The following TENM2 variants were observed in gnomAD, a reference collection of about 807,000 sequenced individuals.
TENM2 encodes the protein teneurin transmembrane protein 2.
A neutral mutation model predicts 245.2 loss-of-function variants in TENM2; 52 were observed. The ratio of observed to expected loss-of-function variants is 0.21; its 90% CI spans 0.17 to 0.27. TENM2 has a LOEUF of 0.27. Ranked by LOEUF, TENM2 falls within the 10% of genes least tolerant of loss-of-function variation. TENM2 has a pLI of 1.00. For synonymous variants in TENM2, 1,363 were observed against 1,438.9 expected, an observed-to-expected ratio of 0.95 and a Z score of 1.19; for missense variants, 3,046 against 3,666.8, an observed-to-expected ratio of 0.83 and a Z score of 4.37.
chr5:167,960,801 G>A (rs2617973), intron 4 of TENM2, among the ~76,000 whole-genome samples: 4,681 of 152,286 alleles, frequency 0.031, 233 homozygotes, highest in African/African-American at 0.11. Flanking sequence ...ACCCAGTTTT[G>A]TGCTTGAAAC....
chr5:167,520,796 T>C (rs1247702593), intron 2 of TENM2, among the ~76,000 whole-genome samples: 2 of 151,796 alleles, frequency 1.3e-5, no homozygotes, highest in East Asian at 1.9e-4. Context: ...CCACATGGCC[T>C]CTACTGCTTG....
chr5:167,206,077 T>C, the TENM2 span, among the ~76,000 whole-genome samples: 1 of 152,190 alleles, frequency 6.6e-6, no homozygotes, highest in East Asian at 1.9e-4. Flanking sequence ...CCTTTTGCTG[T>C]GGAACATATT....
chr5:167,593,947 G>A (rs1325211538), intron 2 of TENM2, among the ~76,000 whole-genome samples: 1 of 152,124 alleles, frequency 6.6e-6, no homozygotes, highest in Non-Finnish European at 1.5e-5. Flanking sequence ...CTGTCATTGG[G>A]TGACAACCAC....
chr5:168,226,079 TC>T lies in TENM2; in HGVS notation c.5109-3del. ...ACCAGGGTTTATCTATCTATCTATC[TC>T]CCCCCAGCTATGACCACGAAGGCCG... On this transcript the variant is annotated splice_polypyrimidine_tract_variant and splice_region_variant and intron_variant, in intron 23 of 28. Coordinates refer to ENST00000518659, the Ensembl canonical transcript of TENM2. 6.2e-7 allele frequency: 1 copy of T among 1,609,338 alleles called. No individual in the cohort carries two copies. The highest frequency in any genetic ancestry group is 8.5e-7 in the Non-Finnish European group (1 of 1,178,404).
At chr5:167,372,153 C>A (rs904989817) in intron 1 of TENM2, among the ~76,000 whole-genome samples, 1 of 152,040 alleles carries the variant, frequency 6.6e-6, no homozygotes, top group Admixed American at 6.6e-5. Flanking sequence ...TAAACATACT[C>A]ATTTAGCTTT....
At chr5:167,078,523 C>CAACA in the TENM2 span, among the ~76,000 whole-genome samples, 9 of 141,738 alleles carry the variant, frequency 6.3e-5, no homozygotes, top group Non-Finnish European at 1.4e-4. Flanking sequence ...ACAACAACAA[C>CAACA]AAGGCACGTT....
chr5:168,164,302 A>G (rs1241110636), intron 13 of TENM2, among the ~76,000 whole-genome samples: 2 of 152,078 alleles, frequency 1.3e-5, no homozygotes, highest in Admixed American at 1.3e-4. Flanking sequence ...TTTTAACGTA[A>G]GATCTACCCT....
the TENM2 span, among the ~76,000 whole-genome samples, chr5:166,986,820 T>C: frequency 6.6e-6 from 1 of 152,308 alleles, no homozygotes; most frequent in African/African-American, 2.4e-5. Flanking sequence ...GATTATCCTT[T>C]TGTCACCAAT....
chr5:167,984,801 C>T (rs996542854), intron 4 of TENM2, among the ~76,000 whole-genome samples: 1 of 152,124 alleles, frequency 6.6e-6, no homozygotes, highest in Non-Finnish European at 1.5e-5. Context: ...TCATTTTTCT[C>T]GTTATCTCTT....
intron 22 of TENM2, 128 bp from the exon 25 acceptor site, chr5:168,217,997 A>G: frequency 4.2e-6 from 4 of 948,416 alleles, no homozygotes; most frequent in Admixed American, 2.7e-5. Flanking sequence ...AATGAAGAGC[A>G]TTTCTAATAC....
At chr5:168,139,809 C>G (rs1755376621) in intron 12 of TENM2, among the ~76,000 whole-genome samples, 1 of 152,170 alleles carries the variant, frequency 6.6e-6, no homozygotes, top group Non-Finnish European at 1.5e-5. Context: ...TGACCCAGCT[C>G]CAGCTGAACA....
intron 2 of TENM2, among the ~76,000 whole-genome samples, chr5:167,463,132 T>C (rs1161716496): frequency 6.6e-6 from 1 of 152,198 alleles, no homozygotes; most frequent in Non-Finnish European, 1.5e-5. Context: ...AAACATATTA[T>C]ATTTCCTAGT....
chr5:167,249,034 A>T, the TENM2 span, among the ~76,000 whole-genome samples: 11 of 152,238 alleles, frequency 7.2e-5, no homozygotes, highest in African/African-American at 2.4e-4. Context: ...AATTAATACT[A>T]TGTCTAGGCA....
At chr5:167,287,335 C>T (rs1411459202) in intron 1 of TENM2, 1 of 152,134 alleles carries the variant, frequency 6.6e-6, no homozygotes, top group East Asian at 1.9e-4. Context: ...TCATGCATTT[C>T]CCATTTTATT....
chr5:167,783,541 G>A (rs1764352081), intron 2 of TENM2, among the ~76,000 whole-genome samples: 1 of 152,210 alleles, frequency 6.6e-6, no homozygotes, highest in Non-Finnish European at 1.5e-5. Context: ...CCACGGCAGT[G>A]TGCACTTAAG....
At chr5:168,126,966 G>A in exon 12 of TENM2, 1 of 1,598,696 alleles carries the variant, frequency 6.3e-7, no homozygotes, top group Non-Finnish European at 8.5e-7. Flanking sequence ...CACCGAAACA[G>A]GCACATATTG....
At chr5:167,159,281 C>T in the TENM2 span, among the ~76,000 whole-genome samples, 1 of 151,718 alleles carries the variant, frequency 6.6e-6, no homozygotes, top group Non-Finnish European at 1.5e-5. Flanking sequence ...TCTACAATTT[C>T]CCCCATATTC....
chr5:167,833,569 C>T (rs951628265), intron 2 of TENM2, among the ~76,000 whole-genome samples: 8 of 152,204 alleles, frequency 5.3e-5, no homozygotes, highest in Admixed American at 3.3e-4. Context: ...TTGGTTGACC[C>T]GAACCTTATC....
chr5:168,003,785 C>T (rs906949154), intron 5 of TENM2, among the ~76,000 whole-genome samples: 5 of 152,098 alleles, frequency 3.3e-5, no homozygotes, highest in Admixed American at 6.5e-5. Context: ...AAAGCTACCA[C>T]GATAAAGGAA....
Sources: gnomAD v4.1 joint callset for allele counts (sites outside exome capture counted in the v4.1 genomes callset) on GRCh38, gnomAD v4.1.1 for gene constraint, MANE v1.5 for transcripts, NCBI Gene and HGNC (gene_info 2026-07-23, HGNC 2026-07-21) for gene names.